The following SHISA6 variants were observed in gnomAD, a reference collection of about 807,000 sequenced individuals.
SHISA6 encodes the protein protein shisa-6.
SHISA6 carries 22 observed loss-of-function variants against 47.9 expected under a neutral mutation model. The ratio of observed to expected loss-of-function variants is 0.46; its 90% CI spans 0.33 to 0.66. SHISA6 has a LOEUF of 0.66. SHISA6 is among the 30% of genes least tolerant of loss of function. The pLI is 0.02. For missense variants in SHISA6, 680 were observed against 764.6 expected, an observed-to-expected ratio of 0.89 and a Z score of 1.30; for synonymous variants, 388 against 337.8, an observed-to-expected ratio of 1.15 and a Z score of -1.63.
chr17:11,263,804 T>C (rs183960245), intron 2 of SHISA6, among the ~76,000 whole-genome samples: 4 of 152,256 alleles, frequency 2.6e-5, no homozygotes, highest in Admixed American at 1.3e-4. Context: ...GAAAAGGAGC[T>C]TGCAGCATCC....
chr17:11,346,846 T>G (rs1911715036), intron 2 of SHISA6, among the ~76,000 whole-genome samples: 1 of 152,212 alleles, frequency 6.6e-6, no homozygotes, highest in Admixed American at 6.5e-5. Context: ...ATGATATGTG[T>G]CCTATGATAT....
intron 3 of SHISA6, among the ~76,000 whole-genome samples, chr17:11,535,662 C>A (rs181645290): frequency 3.4e-4 from 51 of 152,184 alleles, no homozygotes; most frequent in African/African-American, 1.2e-3. Context: ...TCTGGCAAAA[C>A]CACATTATAG....
intron 2 of SHISA6, among the ~76,000 whole-genome samples, chr17:11,318,605 G>A (rs572007689): frequency 8.5e-5 from 13 of 152,298 alleles, no homozygotes; most frequent in East Asian, 1.9e-4. Flanking sequence ...AACTGCAAAT[G>A]TGCATTTTAT....
chr17:11,445,072 G>A (rs1476118253), intron 3 of SHISA6, among the ~76,000 whole-genome samples: 1 of 152,152 alleles, frequency 6.6e-6, no homozygotes, highest in African/African-American at 2.4e-5. Flanking sequence ...GATGAAGCTG[G>A]ATGTGACACT....
chr17:11,324,858 G>C (rs747023150), intron 2 of SHISA6, among the ~76,000 whole-genome samples: 20 of 152,142 alleles, frequency 1.3e-4, no homozygotes, highest in Non-Finnish European at 2.6e-4. Context: ...GGTGATCAAA[G>C]ATACTCAAAG....
chr17:11,268,604 T>A (rs1038814260), intron 2 of SHISA6, among the ~76,000 whole-genome samples: 7 of 152,224 alleles, frequency 4.6e-5, no homozygotes, highest in Non-Finnish European at 7.3e-5. Flanking sequence ...CCTAACCTTC[T>A]CTGTTACCAT....
At chr17:11,256,495 C>CA (rs1386514312) in intron 1 of SHISA6, among the ~76,000 whole-genome samples, 2 of 151,310 alleles carry the variant, frequency 1.3e-5, no homozygotes, top group East Asian at 1.9e-4. Context: ...GACTCTATCT[C>CA]AAAAAACAAA....
intron 3 of SHISA6, among the ~76,000 whole-genome samples, chr17:11,528,745 T>C (rs2071707920): frequency 6.6e-6 from 1 of 152,154 alleles, no homozygotes; most frequent in Non-Finnish European, 1.5e-5. Context: ...CCCAAGGAGA[T>C]GCTTTTGGGC....
chr17:11,387,143 AG>A (rs1913221742), intron 3 of SHISA6, among the ~76,000 whole-genome samples: 1 of 152,162 alleles, frequency 6.6e-6, no homozygotes. Context: ...CCAGAATGCA[AG>A]AAGCTGTTGG....
chr17:11,246,200 A>C (rs1327885437), intron 1 of SHISA6, among the ~76,000 whole-genome samples: 1 of 152,222 alleles, frequency 6.6e-6, no homozygotes, highest in Non-Finnish European at 1.5e-5. Flanking sequence ...AGTTAAAAAA[A>C]AAATGCTTCG....
At chr17:11,410,047 C>T (rs760571865) in intron 3 of SHISA6, among the ~76,000 whole-genome samples, 14 of 152,158 alleles carry the variant, frequency 9.2e-5, no homozygotes, top group South Asian at 2.1e-4. Context: ...GTCTTGTCAT[C>T]GTTTTCTGTT....
At chr17:11,278,537 A>AT (rs2142159085) in intron 2 of SHISA6, among the ~76,000 whole-genome samples, 1 of 152,336 alleles carries the variant, frequency 6.6e-6, no homozygotes, top group South Asian at 2.1e-4. Flanking sequence ...TAACTAGAAC[A>AT]TTTGTGAAAG....
At chr17:11,367,416 A>G (rs1457177799) in intron 2 of SHISA6, among the ~76,000 whole-genome samples, 1 of 152,186 alleles carries the variant, frequency 6.6e-6, no homozygotes, top group Non-Finnish European at 1.5e-5. Flanking sequence ...CGATGAGGCA[A>G]GGTCATGAGT....
rs76090717 is a variant in SHISA6 at position 11,487,290 on chromosome 17, A to G, written c.896-64606A>G. The stretch of plus-strand genomic sequence containing the variant: ...GTGTTGCAAGATTCTCTCCTCCTGC[A>G]TCAGGCATCCAGGGGAATGGGCCAC... On this transcript the variant is annotated intron_variant, in intron 3 of 5. Transcript: ENST00000441885. 7.9e-3 allele frequency among the ~76,000 whole-genome samples: 1,198 copies of G among 152,346 alleles called. 20 individuals carry two copies. Among genetic ancestry groups the G allele is most frequent in the African/African-American group, 0.028 (1,145 of 41,570 alleles).
chr17:11,252,157 G>C (rs1282598683), intron 1 of SHISA6, among the ~76,000 whole-genome samples: 1 of 152,162 alleles, frequency 6.6e-6, no homozygotes, highest in East Asian at 1.9e-4. Context: ...CCTCTCTCCA[G>C]ACCCACGGAC....
At chr17:11,324,067 G>A (rs77858711) in intron 2 of SHISA6, among the ~76,000 whole-genome samples, 83 of 152,186 alleles carry the variant, frequency 5.5e-4, no homozygotes, top group African/African-American at 1.9e-3. Flanking sequence ...CCTATTTCAC[G>A]GAAGTGACAA....
chr17:11,328,297 CAG>C (rs1317140864), intron 2 of SHISA6, among the ~76,000 whole-genome samples: 2 of 152,174 alleles, frequency 1.3e-5, no homozygotes, highest in Non-Finnish European at 2.9e-5. Context: ...CACCAGTAAA[CAG>C]GGGCAATAAG....
intron 3 of SHISA6, among the ~76,000 whole-genome samples, chr17:11,449,525 G>T (rs1915328025): frequency 6.6e-6 from 1 of 152,174 alleles, no homozygotes; most frequent in East Asian, 1.9e-4. Flanking sequence ...CTGAAGGAAT[G>T]AATGATGCGT....
chr17:11,274,936 T>C lies in SHISA6; in HGVS notation c.799+11410T>C, dbSNP rs565439661. 2.6e-5 allele frequency among the ~76,000 whole-genome samples: 4 copies of C among 152,192 alleles called. No homozygotes were observed. The East Asian group carries it at 7.8e-4, about 30-fold the overall frequency. ...CGAGGAGGAGAGTGGAGGGTACTCC[T>C]GGAGGATGGAAAACGGGGGTCCACA... On this transcript the variant is annotated intron_variant, in intron 2 of 5. Transcript: ENST00000441885.
Sources: allele counts gnomAD v4.1 joint callset (sites outside exome capture counted in the v4.1 genomes callset), GRCh38; gene constraint gnomAD v4.1.1; transcripts MANE v1.5; gene names NCBI Gene and HGNC (gene_info 2026-07-23, HGNC 2026-07-21).